SFPQ: variants seen among roughly 807,000 people sequenced by gnomAD.
The protein encoded by SFPQ is splicing factor, proline- and glutamine-rich.
SFPQ carries 11 observed loss-of-function variants against 72.9 expected under a neutral mutation model. That is an observed-to-expected ratio of 0.15 (90% CI 0.09 to 0.25). SFPQ has a LOEUF of 0.25. Among genes scored for constraint, SFPQ ranks in the 10% least tolerant of loss-of-function variants. The pLI is 1.00. For missense variants in SFPQ, 847 were observed against 993.3 expected, an observed-to-expected ratio of 0.85 and a Z score of 1.98; for synonymous variants, 506 against 367.3, an observed-to-expected ratio of 1.38 and a Z score of -4.32.
chr1:35,181,229 A>G (rs963993269), downstream of SFPQ: 1 of 1,065,604 alleles, frequency 9.4e-7, no homozygotes, highest in African/African-American at 1.6e-5. Context: ...CGTTCCTCAC[A>G]GTTACGCACT....
At position 35,192,453 on chromosome 1, in the gene SFPQ, CT is replaced by C. The variant is rs1455989562; in HGVS notation, c.596del (p.Lys199SerfsTer26). ...AAVPGPGPGP[K>X]QGPGPGGPKG... Reference sequence around the variant, plus strand: ...TGGGACCACCCGGACCTGGGCCCTGCTTAGGCCCTGGACCCGGGCCCGGGAC... The same window carrying C: ...TGGGACCACCCGGACCTGGGCCCTGCTAGGCCCTGGACCCGGGCCCGGGAC... On this transcript the variant is annotated frameshift_variant, in exon 1 of 10. Coordinates refer to ENST00000357214, the MANE Select transcript of SFPQ (RefSeq NM_005066.3). LOFTEE classifies it high-confidence loss of function. 1 of 1,384,152 alleles carries C rather than the reference CT, an allele frequency of 7.2e-7. No homozygotes were observed. Among genetic ancestry groups the C allele is most frequent in the Non-Finnish European group, 9.3e-7 (1 of 1,078,534 alleles). 85.7% of individuals were successfully genotyped at this position (1,384,152 alleles called of 1,614,324 possible).
chr1:35,192,208 CCA>C lies in SFPQ; in HGVS notation c.828+12_828+13del. The stretch of plus-strand genomic sequence containing the variant: ...TCTTAGGGGAGCCGACGCGTCGCTC[CCA>C]TAGACACTCACCTCCGAGTCCGAGA... On this transcript the variant is annotated intron_variant, in intron 1 of 9. Coordinates refer to ENST00000357214, the MANE Select transcript of SFPQ (RefSeq NM_005066.3). The C allele has an allele frequency of 7.0e-7, 1 of 1,435,960 alleles. No homozygotes were observed. Among genetic ancestry groups the C allele is most frequent in the East Asian group, 3.2e-5 (1 of 31,024 alleles). The allele number at this position is 1,435,960 out of a possible 1,614,324, so 89.0% of individuals were successfully genotyped here. A position where few individuals can be genotyped will look rare whatever the true frequency, so the allele number is the denominator to read the frequency against.
downstream of SFPQ, chr1:35,179,804 C>A: frequency 9.5e-7 from 1 of 1,053,988 alleles, no homozygotes; most frequent in Non-Finnish European, 1.1e-6. Context: ...AAGAAATAGA[C>A]CTGAGTTTTT....
chr1:35,177,124 A>G (rs2148600543), intron 5 of SFPQ: 1 of 152,352 alleles, frequency 6.6e-6, no homozygotes, highest in Middle Eastern at 3.4e-3. Flanking sequence ...CTGAGGCAGG[A>G]GAATCGCTTG....
At chr1:35,179,171 A>G, downstream of SFPQ, 1 of 1,060,426 alleles carries the variant, frequency 9.4e-7, no homozygotes, top group African/African-American at 1.6e-5. Flanking sequence ...AAACCTGTCC[A>G]AAATCATTAA....
downstream of SFPQ, chr1:35,180,089 C>G: frequency 9.5e-7 from 1 of 1,051,402 alleles, no homozygotes; most frequent in Non-Finnish European, 1.1e-6. Flanking sequence ...AATTGCTTGC[C>G]AACGAGCAAG....
chr1:35,190,227 T>G (rs1328108514), intron 4 of SFPQ, among the ~76,000 whole-genome samples: 4 of 152,254 alleles, frequency 2.6e-5, no homozygotes, highest in Non-Finnish European at 5.9e-5. Flanking sequence ...GCCACTGCAC[T>G]CTGGCCTGGG....
rs1639582405 is a variant in SFPQ, at chr1:35,183,804, G to C, written c.*652C>G. The C allele has an allele frequency of 3.8e-6, 4 of 1,055,392 alleles. No individual in the cohort carries two copies. The East Asian group carries it at 2.1e-4, about 56-fold the overall frequency. The allele number at this position is 1,055,392 out of a possible 1,614,324, so 65.4% of individuals were successfully genotyped here. A position where few individuals can be genotyped will look rare whatever the true frequency, so the allele number is the denominator to read the frequency against. On this transcript the variant is annotated 3_prime_UTR_variant, in exon 10 of 10. Transcript: ENST00000357214. ...AACCCACTTTCACCCCCTACCAATTGTCTTACACCCATTCCACAATCTTAA... is the reference window on the plus strand; with the variant it reads ...AACCCACTTTCACCCCCTACCAATTCTCTTACACCCATTCCACAATCTTAA...
chr1:35,186,691 C>G (rs916336812), intron 9 of SFPQ, among the ~76,000 whole-genome samples: 1 of 152,136 alleles, frequency 6.6e-6, no homozygotes, highest in Non-Finnish European at 1.5e-5. Flanking sequence ...TATCTAGCAT[C>G]TAGAATTTGG....
Position 35,184,078 on chromosome 1 carries a change from T to A in SFPQ, c.*378A>T. On this transcript the variant is annotated 3_prime_UTR_variant, in exon 10 of 10. Transcript: ENST00000357214. ...TGCTTTCAATGTGGAATACGTAGCCTAATATGCATAGAAGCATGAATGGCA... is the reference window on the plus strand; with the variant it reads ...TGCTTTCAATGTGGAATACGTAGCCAAATATGCATAGAAGCATGAATGGCA... 9.1e-7 allele frequency: 1 copy of A among 1,096,760 alleles called. No homozygotes were observed. The highest frequency in any genetic ancestry group is 1.1e-6 in the Non-Finnish European group (1 of 901,304). 67.9% of individuals were successfully genotyped at this position (1,096,760 alleles called of 1,614,324 possible). A position where few individuals can be genotyped will look rare whatever the true frequency, so the allele number is the denominator to read the frequency against.
chr1:35,180,117 G>C, downstream of SFPQ: 1 of 1,048,922 alleles, frequency 9.5e-7, no homozygotes, highest in East Asian at 5.5e-5. Flanking sequence ...TTGATACACA[G>C]AAGAAAAGTC....
At chr1:35,189,149 G>A (rs1240424440) in intron 5 of SFPQ, 37 bp downstream of exon 5, 1 of 1,613,182 alleles carries the variant, frequency 6.2e-7, no homozygotes, top group Admixed American at 1.7e-5. Context: ...AAAAACAATT[G>A]ACCTTAGCAA....
chr1:35,190,849 T>C lies in SFPQ; in HGVS notation c.1164A>G (p.Glu388=). Residue 388 remains glutamate (E), a synonymous_variant, in exon 3 of 10, where the codon GAA becomes GAG. Coordinates refer to ENST00000357214, the MANE Select transcript of SFPQ (RefSeq NM_005066.3). ...TAGGACCAAATTGGCTAAAGGCTTC[T>C]TCCAACAGTTCATTGGAAACATAAG... ...LSPYVSNELL[E]EAFSQFGPIE... is the part of the protein sequence containing the mutation. 1.9e-6 allele frequency: 3 copies of C among 1,614,220 alleles called. No individual in the cohort carries two copies. Among genetic ancestry groups the C allele is most frequent in the Non-Finnish European group, 2.5e-6 (3 of 1,180,042 alleles).
At chr1:35,176,691 A>C (rs988096966) in intron 5 of SFPQ, among the ~76,000 whole-genome samples, 4 of 151,002 alleles carry the variant, frequency 2.6e-5, no homozygotes, top group African/African-American at 9.8e-5. Flanking sequence ...AACATGGTGA[A>C]ACTCTGTCTC....
downstream of SFPQ, chr1:35,179,360 G>A: frequency 9.5e-7 from 1 of 1,057,468 alleles, no homozygotes. Flanking sequence ...TGCATGAAGA[G>A]CACCCATTGC....
At chr1:35,191,726 G>A (rs1161388096) in intron 1 of SFPQ, among the ~76,000 whole-genome samples, 197 bp from the exon 2 acceptor site, 1 of 152,054 alleles carries the variant, frequency 6.6e-6, no homozygotes, top group Non-Finnish European at 1.5e-5. Context: ...CAGAATGTTC[G>A]AGAATAGACA....
At position 35,183,181 on chromosome 1, in the gene SFPQ, A is replaced by G. The variant is rs1050816500; in HGVS notation, c.*1275T>C. Reference sequence around the variant, plus strand: ...TAGCACAAGGAGATGTAAAAGTTACAGAGTACAAATGTATATATAACTAAA... The same window carrying G: ...TAGCACAAGGAGATGTAAAAGTTACGGAGTACAAATGTATATATAACTAAA... On this transcript the variant is annotated 3_prime_UTR_variant, in exon 10 of 10. Coordinates refer to ENST00000357214, the MANE Select transcript of SFPQ (RefSeq NM_005066.3). 1 of 1,020,566 alleles carries G rather than the reference A, an allele frequency of 9.8e-7. No homozygotes were observed. The highest frequency in any genetic ancestry group is 1.2e-6 in the Non-Finnish European group (1 of 850,608). The allele number at this position is 1,020,566 out of a possible 1,614,324, so 63.2% of individuals were successfully genotyped here.
downstream of SFPQ, chr1:35,181,311 C>T (rs1483695972): frequency 9.4e-7 from 1 of 1,065,476 alleles, no homozygotes; most frequent in Non-Finnish European, 1.1e-6. Context: ...AGTCCAAGAA[C>T]ACCAGAAAAC....
chr1:35,185,399 G>C (rs555885327), intron 9 of SFPQ, among the ~76,000 whole-genome samples: 5 of 152,194 alleles, frequency 3.3e-5, no homozygotes, highest in Non-Finnish European at 7.4e-5. Flanking sequence ...ACACTTTGCT[G>C]TAATTCCATG....
Sources: allele counts gnomAD v4.1 joint callset (sites outside exome capture counted in the v4.1 genomes callset), GRCh38; gene constraint gnomAD v4.1.1; transcripts MANE v1.5; gene names NCBI Gene and HGNC (gene_info 2026-07-23, HGNC 2026-07-21).